Variants in MACROD2 observed in about 807,000 individuals in gnomAD.
The protein encoded by MACROD2 is ADP-ribose glycohydrolase MACROD2.
Under a neutral mutation model 70.4 loss-of-function variants are expected in MACROD2, and 36 were observed. That is an observed-to-expected ratio of 0.51 (90% confidence interval 0.39 to 0.68). The LOEUF (loss-of-function observed/expected upper bound fraction) is 0.68. Among genes scored for constraint, MACROD2 ranks in the 30% least tolerant of loss-of-function variants. MACROD2 has a pLI of 0.00. For synonymous variants in MACROD2, 172 were observed against 178.8 expected (o/e 0.96, Z 0.30); for missense variants, 496 against 538.4 (o/e 0.92, Z 0.78).
chr20:15,043,953 C>A (rs115013860), intron 5 of MACROD2, among the ~76,000 whole-genome samples: 1 of 152,142 alleles, frequency 6.6e-6, no homozygotes, highest in Non-Finnish European at 1.5e-5. Flanking sequence ...TCTCTGGGAG[C>A]GCCACACTCC....
chr20:15,958,620 AC>A (rs916648386), intron 12 of MACROD2, among the ~76,000 whole-genome samples: 24 of 152,258 alleles, frequency 1.6e-4, no homozygotes, highest in African/African-American at 5.1e-4. Flanking sequence ...AGGGAAATAA[AC>A]CATCCAAGTA....
intron 6 of MACROD2, among the ~76,000 whole-genome samples, chr20:15,415,833 G>C (rs80336930): frequency 6.6e-6 from 1 of 152,096 alleles, no homozygotes; most frequent in Non-Finnish European, 1.5e-5. Context: ...TGACAATCTA[G>C]TGTATGGACT....
chr20:15,682,769 T>C (rs2050177260), intron 8 of MACROD2, among the ~76,000 whole-genome samples: 1 of 152,244 alleles, frequency 6.6e-6, no homozygotes, highest in South Asian at 2.1e-4. Flanking sequence ...TTTCTGCTTC[T>C]TGTATTGCAA....
chr20:15,409,003 T>C (rs1271505344), intron 6 of MACROD2, among the ~76,000 whole-genome samples: 1 of 152,208 alleles, frequency 6.6e-6, no homozygotes. Flanking sequence ...TTAAGCCTCT[T>C]TTTTTCTTTA....
chr20:15,711,543 C>T (rs1465346834), intron 8 of MACROD2, among the ~76,000 whole-genome samples: 1 of 152,180 alleles, frequency 6.6e-6, no homozygotes, highest in East Asian at 1.9e-4. Flanking sequence ...CTATGAGCTC[C>T]TTGCCGGATG....
At chr20:14,574,552 A>T (rs976250474) in intron 4 of MACROD2, among the ~76,000 whole-genome samples, 1 of 152,026 alleles carries the variant, frequency 6.6e-6, no homozygotes, top group Non-Finnish European at 1.5e-5. Context: ...CTTGCCCCCT[A>T]GTATTCTGGC....
intron 8 of MACROD2, among the ~76,000 whole-genome samples, chr20:15,693,490 A>G (rs1226006385): frequency 1.3e-5 from 2 of 152,112 alleles, no homozygotes; most frequent in African/African-American, 2.4e-5. Context: ...CCATTCCTCT[A>G]CTTTCCCAGC....
At chr20:14,592,200 T>C (rs1427328181) in intron 4 of MACROD2, among the ~76,000 whole-genome samples, 1 of 152,130 alleles carries the variant, frequency 6.6e-6, no homozygotes, top group Non-Finnish European at 1.5e-5. Context: ...TAGAAGGCAG[T>C]CATGAAGGAT....
At chr20:14,439,302 T>G (rs1191546056) in intron 3 of MACROD2, among the ~76,000 whole-genome samples, 1 of 152,200 alleles carries the variant, frequency 6.6e-6, no homozygotes, top group Non-Finnish European at 1.5e-5. Context: ...ACTGTAGCTT[T>G]GTAATATAAT....
chr20:14,330,321 G>T (rs1022621295), intron 3 of MACROD2, among the ~76,000 whole-genome samples: 10 of 152,006 alleles, frequency 6.6e-5, no homozygotes, highest in African/African-American at 1.9e-4. Flanking sequence ...AATTGGTTAT[G>T]CAGGGTCATC....
rs1386024417 is a variant in MACROD2 at position 15,021,265 on chromosome 20, T to TGTGTATGTATACACACAC, written c.419-208671_419-208670insATGTATACACACACGTGT. On this transcript the variant is annotated intron_variant, in intron 5 of 17. Coordinates refer to ENST00000684519, the MANE Select transcript of MACROD2 (RefSeq NM_001351661.2). Reference sequence around the variant, plus strand: ...CTGTGTGTATGTATACACACACCTGTGTGTGTGTATACGCACACCTGTGTG... The same window carrying TGTGTATGTATACACACAC: ...CTGTGTGTATGTATACACACACCTGTGTGTATGTATACACACACGTGTGTGTATACGCACACCTGTGTG... Among the ~76,000 whole-genome samples the TGTGTATGTATACACACAC allele has an allele frequency of 6.2e-3, 49 of 7,888 alleles. 6 individuals are homozygous for TGTGTATGTATACACACAC. Among genetic ancestry groups the TGTGTATGTATACACACAC allele is most frequent in the Admixed American group, 0.017 (10 of 602 alleles). 5.2% of individuals were successfully genotyped at this position (7,888 alleles called of 152,430 possible).
chr20:15,821,509 A>G (rs1282214745), intron 8 of MACROD2, among the ~76,000 whole-genome samples: 2 of 152,192 alleles, frequency 1.3e-5, no homozygotes, highest in Non-Finnish European at 2.9e-5. Flanking sequence ...GGATTTGGAA[A>G]TGCTAACTTT....
intron 5 of MACROD2, among the ~76,000 whole-genome samples, chr20:14,692,880 G>A (rs987159871): frequency 7.2e-5 from 11 of 152,114 alleles, no homozygotes; most frequent in African/African-American, 2.2e-4. Flanking sequence ...CCCCCAAATG[G>A]CTTTGTGATG....
At chr20:14,630,824 A>G (rs1020680389) in intron 4 of MACROD2, among the ~76,000 whole-genome samples, 3 of 152,332 alleles carry the variant, frequency 2.0e-5, no homozygotes, top group East Asian at 1.9e-4. Flanking sequence ...CCTTTCAAGG[A>G]GATGATCTAC....
rs1377981606 is a variant in MACROD2, at chr20:15,695,691, G to A, written c.646-167054G>A. ...CTCAAAGTGCTGGGATTACAGGCAT[G>A]AGCCACCAAGCCCAAAAGTCTTTGA... On this transcript the variant is annotated intron_variant, in intron 8 of 17. Coordinates refer to ENST00000684519, the MANE Select transcript of MACROD2 (RefSeq NM_001351661.2). Among the ~76,000 whole-genome samples the A allele has an allele frequency of 2.0e-5, 3 of 152,168 alleles. No individual in the cohort carries two copies. The East Asian group carries it at 5.8e-4, about 29-fold the overall frequency.
At chr20:14,008,317 A>C (rs1252271337) in intron 2 of MACROD2, among the ~76,000 whole-genome samples, 1 of 152,208 alleles carries the variant, frequency 6.6e-6, no homozygotes. Flanking sequence ...TAGCATTGCT[A>C]TACACCAAAA....
chr20:15,136,443 G>GC (rs2076148676), intron 5 of MACROD2, among the ~76,000 whole-genome samples: 1 of 152,116 alleles, frequency 6.6e-6, no homozygotes, highest in Non-Finnish European at 1.5e-5. Context: ...ACAAACCTGA[G>GC]AAAAACGAGC....
intron 6 of MACROD2, among the ~76,000 whole-genome samples, chr20:15,263,894 T>G (rs1013300823): frequency 4.6e-5 from 7 of 152,156 alleles, no homozygotes; most frequent in Admixed American, 3.9e-4. Flanking sequence ...ATCCTGAAAT[T>G]TTACTGAATT....
intron 8 of MACROD2, among the ~76,000 whole-genome samples, chr20:15,782,276 G>A (rs2051846460): frequency 6.6e-6 from 1 of 152,066 alleles, no homozygotes; most frequent in South Asian, 2.1e-4. Context: ...GTCTGTTGCT[G>A]TTTAACAATC....
Sources: gnomAD v4.1 joint callset for allele counts (sites outside exome capture counted in the v4.1 genomes callset) on GRCh38, gnomAD v4.1.1 for gene constraint, MANE v1.5 for transcripts, NCBI Gene and HGNC (gene_info 2026-07-23, HGNC 2026-07-21) for gene names.